Variants in CPE observed in about 807,000 individuals in gnomAD.
CPE encodes the protein carbocypeptidase E.
A neutral mutation model predicts 53.5 loss-of-function variants in CPE; 17 were observed. The observed-to-expected ratio is 0.32, with a 90% CI of 0.22 to 0.48. The LOEUF is 0.48. Among genes scored for constraint, CPE ranks in the 20% least tolerant of loss-of-function variants. The pLI is 0.99. For synonymous variants in CPE, 226 were observed against 228.8 expected, an observed-to-expected ratio of 0.99 and a Z score of 0.11; for missense variants, 524 against 614.7, an observed-to-expected ratio of 0.85 and a Z score of 1.56.
Position 165,484,591 on chromosome 4 carries a change from C to T in CPE, c.960C>T (p.Tyr320=). 3.7e-6 allele frequency: 6 copies of T among 1,613,810 alleles called. No homozygotes were observed. Among genetic ancestry groups the T allele is most frequent in the Non-Finnish European group, 5.1e-6 (6 of 1,179,822 alleles). The change falls in exon 5 of 9, where the codon TAC becomes TAT. Residue 320 remains tyrosine (Y), a synonymous_variant. Coordinates refer to ENST00000402744, the MANE Select transcript of CPE (RefSeq NM_001873.4). ...VDGTTNGGAW[Y]SVPGGMQDFN... ...GAACCACCAACGGTGGTGCTTGGTACAGCGTACCTGGAGGTGAGTTTCCAT... is the reference window on the plus strand; with the variant it reads ...GAACCACCAACGGTGGTGCTTGGTATAGCGTACCTGGAGGTGAGTTTCCAT...
Position 165,379,264 on chromosome 4 carries a change from G to A in CPE, c.43G>A (p.Ala15Thr), listed in dbSNP as rs1188254668. 3.5e-6 allele frequency: 5 copies of A among 1,447,132 alleles called. No individual in the cohort carries two copies. Among genetic ancestry groups the A allele is most frequent in the Non-Finnish European group, 3.6e-6 (4 of 1,110,396 alleles). The allele number at this position is 1,447,132 out of a possible 1,614,324, so 89.6% of individuals were successfully genotyped here. A position where few individuals can be genotyped will look rare whatever the true frequency, so the allele number is the denominator to read the frequency against. ...CAGCGCGCTGCTGGCTCTGTGCGGG[G>A]CACTGGCTGCCTGCGGGTGGCTCCT... ...GGSALLALCG[A>T]LAACGWLLGA... The change falls in exon 1 of 9, where the codon GCA becomes ACA. Residue 15 changes from alanine to threonine, a missense_variant. By Grantham distance (58) the Ala-to-Thr change is moderately conservative. Transcript: ENST00000402744. The surrounding 1 kb of genome is among the most constrained non-coding windows in gnomAD (Gnocchi z 6.0).
intron 1 of CPE, among the ~76,000 whole-genome samples, chr4:165,400,711 A>G (rs962441893): frequency 6.6e-6 from 1 of 152,204 alleles, no homozygotes; most frequent in African/African-American, 2.4e-5. Flanking sequence ...TTTAAAGGCT[A>G]GTCAAGTGAA....
intron 1 of CPE, among the ~76,000 whole-genome samples, chr4:165,391,695 A>G (rs1259225235): frequency 6.6e-6 from 1 of 152,168 alleles, no homozygotes; most frequent in Non-Finnish European, 1.5e-5. Flanking sequence ...GCGCGAATGT[A>G]CTTATTTAAC....
chr4:165,381,430 A>C (rs1195495630), intron 1 of CPE: 6 of 416,254 alleles, frequency 1.4e-5, no homozygotes, highest in Admixed American at 1.2e-4. Flanking sequence ...CAATAGCTGC[A>C]TAACACAGTG....
At chr4:165,414,944 A>G (rs930210785) in intron 1 of CPE, 1 of 152,148 alleles carries the variant, frequency 6.6e-6, no homozygotes, top group African/African-American at 2.4e-5. Context: ...AAAAAAAAAC[A>G]AAATATAATT....
intron 8 of CPE, 131 bp from the exon 9 acceptor site, chr4:165,497,381 T>A (rs1008095617): frequency 2.3e-6 from 1 of 441,992 alleles, no homozygotes; most frequent in African/African-American, 2.0e-5. Context: ...TTGCAAGAGA[T>A]TTTATTTCAG....
intron 1 of CPE, among the ~76,000 whole-genome samples, chr4:165,401,246 G>T (rs17686882): frequency 5.3e-5 from 8 of 151,904 alleles, no homozygotes; most frequent in Non-Finnish European, 1.0e-4. Context: ...TTCGTTACAC[G>T]CCTTTTCCAT....
chr4:165,488,371 C>A (rs966549288), intron 6 of CPE, among the ~76,000 whole-genome samples: 15 of 152,160 alleles, frequency 9.9e-5, no homozygotes, highest in Admixed American at 7.9e-4. Flanking sequence ...TGTAGCCATT[C>A]CAATGTGATC....
In CPE at chr4:165,386,409, T is replaced by C. The variant is rs972938630; in HGVS notation, c.307+6881T>C. On this transcript the variant is annotated intron_variant, in intron 1 of 8. Transcript: ENST00000402744. ...CACTCAGTGAATATGTTTGAATAAA[T>C]GAAATTTCTCAAATAGGCAAAAATG... 3.5e-5 allele frequency: 14 copies of C among 399,310 alleles called. 1 individual carries two copies. The highest frequency in any genetic ancestry group is 5.3e-5 in the Non-Finnish European group (11 of 206,012). The allele number at this position is 399,310 out of a possible 1,614,324, so 24.7% of individuals were successfully genotyped here.
At chr4:165,455,008 A>G (rs1731877642) in intron 1 of CPE, among the ~76,000 whole-genome samples, 1 of 152,224 alleles carries the variant, frequency 6.6e-6, no homozygotes, top group Non-Finnish European at 1.5e-5. Context: ...GGAGTTTTGC[A>G]GAACAAACCA....
intron 3 of CPE, among the ~76,000 whole-genome samples, chr4:165,481,574 T>C (rs909784291): frequency 5.3e-5 from 8 of 152,240 alleles, no homozygotes; most frequent in African/African-American, 1.9e-4. Flanking sequence ...ATACATTTCT[T>C]TTTTCCTTTG....
chr4:165,427,447 C>T (rs1048318178), intron 1 of CPE, among the ~76,000 whole-genome samples: 1 of 152,010 alleles, frequency 6.6e-6, no homozygotes, highest in African/African-American at 2.4e-5. Flanking sequence ...TTTTCTCAAC[C>T]ATTTTCTATA....
intron 1 of CPE, among the ~76,000 whole-genome samples, chr4:165,384,556 C>T (rs1398043971): frequency 6.6e-6 from 1 of 152,182 alleles, no homozygotes; most frequent in Admixed American, 6.5e-5. Context: ...TTTGAGGCTA[C>T]AGTGAGCCAT....
At chr4:165,482,192 A>C in intron 3 of CPE, 50 bp from the exon 4 acceptor site, 98 of 1,205,472 alleles carry the variant, frequency 8.1e-5, no homozygotes, top group Middle Eastern at 2.0e-4. Flanking sequence ...TCAAGTGATC[A>C]TACCAATGAT....
rs1202225654 is a variant in CPE at position 165,464,656 on chromosome 4, C to G, written c.504+70C>G. ...TGTATGTTTGTACATACATGTTTAT[C>G]TAAAAATTATGCCCTCGCACAAAGC... On this transcript the variant is annotated intron_variant, in intron 2 of 8. Transcript: ENST00000402744. 4 of 1,353,726 alleles carry G rather than the reference C, an allele frequency of 3.0e-6. No homozygotes were observed. The African/African-American group carries it at 5.9e-5, about 20-fold the overall frequency. The allele number at this position is 1,353,726 out of a possible 1,614,324, so 83.9% of individuals were successfully genotyped here.
Position 165,379,092 on chromosome 4 carries a change from A to C in CPE, c.-130A>C. ...GGGCTGACACTCATTCAGCCGGGGAAGGTGAGGCGAGTAGAGGCTGGTGCG... is the reference window on the plus strand; with the variant it reads ...GGGCTGACACTCATTCAGCCGGGGACGGTGAGGCGAGTAGAGGCTGGTGCG... On this transcript the variant is annotated 5_prime_UTR_variant, in exon 1 of 9. Transcript: ENST00000402744. This position sits in a 1 kb window ranked among gnomAD's most constrained non-coding sequence, Gnocchi z 6.0. The C allele has an allele frequency of 3.5e-5, 27 of 772,584 alleles. No individual in the cohort carries two copies. The highest frequency in any genetic ancestry group is 4.6e-4 in the Middle Eastern group (1 of 2,196). 47.9% of individuals were successfully genotyped at this position (772,584 alleles called of 1,614,324 possible).
intron 1 of CPE, among the ~76,000 whole-genome samples, chr4:165,423,294 A>T (rs1414447889): frequency 2.6e-5 from 4 of 152,120 alleles, no homozygotes; most frequent in East Asian, 3.9e-4. Context: ...TTCCAGGTTG[A>T]CTTTTCCTTT....
intron 1 of CPE, among the ~76,000 whole-genome samples, chr4:165,411,858 C>T (rs114203649): frequency 0.012 from 1,848 of 152,116 alleles, 27 homozygotes; most frequent in African/African-American, 0.039. Context: ...GTGATGGAGG[C>T]GAAAATCTTT....
Position 165,447,814 on chromosome 4 carries a change from A to G in CPE, c.308-16576A>G, listed in dbSNP as rs536589996. ...AAATTTTTGTATTTTTCTACTTTTT[A>G]AATTCTTTTTTTAAAAAAACAAGGA... On this transcript the variant is annotated intron_variant, in intron 1 of 8. Coordinates refer to ENST00000402744, the MANE Select transcript of CPE (RefSeq NM_001873.4). Among the ~76,000 whole-genome samples the G allele has an allele frequency of 1.8e-4, 27 of 152,098 alleles. No individual in the cohort carries two copies. In the East Asian group the frequency reaches 4.8e-3, roughly 27 times the overall value.
Sources: gnomAD v4.1 joint callset for allele counts (sites outside exome capture counted in the v4.1 genomes callset) on GRCh38, gnomAD v4.1.1 for gene constraint, Gnocchi (gnomAD v3.1) non-coding constraint, MANE v1.5 for transcripts, NCBI Gene and HGNC (gene_info 2026-07-23, HGNC 2026-07-21) for gene names.